The following PKD2L1 variants were observed in gnomAD, a reference collection of about 807,000 sequenced individuals.
PKD2L1 encodes polycystin-2-like protein 1.
In PKD2L1, 77 loss-of-function variants were observed where a neutral mutation model predicts 93.0. The ratio of observed to expected loss-of-function variants is 0.83; its 90% confidence interval spans 0.69 to 1.00. PKD2L1 has a LOEUF of 1.00. Ranked by LOEUF, PKD2L1 falls within the 50% of genes least tolerant of loss-of-function variation. The pLI is 0.00. For synonymous variants in PKD2L1, 390 were observed against 388.0 expected (o/e 1.01, Z -0.06); for missense variants, 977 against 990.9 (o/e 0.99, Z 0.19).
intron 2 of PKD2L1, among the ~76,000 whole-genome samples, chr10:100,320,583 C>T (rs1202547279): frequency 2.0e-5 from 3 of 152,192 alleles, no homozygotes; most frequent in East Asian, 3.8e-4. Flanking sequence ...CCCACTTTCC[C>T]TTTCCTCCTT....
intron 2 of PKD2L1, among the ~76,000 whole-genome samples, chr10:100,309,060 C>A (rs376324910): frequency 7.9e-5 from 12 of 151,902 alleles, no homozygotes; most frequent in African/African-American, 2.7e-4. Context: ...AAGTCACATG[C>A]ACAAAAATGA....
chr10:100,288,653 C>T (rs779649102), intron 15 of PKD2L1, among the ~76,000 whole-genome samples, 175 bp from the exon 16 acceptor site: 1 of 152,124 alleles, frequency 6.6e-6, no homozygotes, highest in African/African-American at 2.4e-5. Context: ...CCATTACCCT[C>T]CCTCTCTTTA....
chr10:100,312,906 A>T (rs1848965613), intron 2 of PKD2L1, among the ~76,000 whole-genome samples: 2 of 151,688 alleles, frequency 1.3e-5, no homozygotes, highest in African/African-American at 4.8e-5. Flanking sequence ...GTGGCCCAGA[A>T]ACCTCGAGAC....
chr10:100,329,219 A>T lies in PKD2L1; in HGVS notation c.341T>A (p.Ile114Asn), dbSNP rs542052716. The T allele has an allele frequency of 6.2e-6, 10 of 1,614,096 alleles. No homozygotes were observed. The highest frequency in any genetic ancestry group is 1.7e-5 in the Admixed American group (1 of 60,032). ...LLVYIVFLVD[I>N]CLLTYGMTSS... ...ACACAGATGCTACTCACGTAGACAG[A>T]TGTCCACCAGGAACACAATATATAC... Residue 114 changes from isoleucine (I) to asparagine (N), a missense_variant, in exon 2 of 16, where the codon ATC becomes AAC. Physicochemically the swap from Ile to Asn is moderately radical, Grantham distance 149. Transcript: ENST00000318222.
At position 100,290,449 on chromosome 10, in the gene PKD2L1, G is replaced by A. The variant is rs1848381825; in HGVS notation, c.2078C>T (p.Pro693Leu). 1.5e-5 allele frequency: 25 copies of A among 1,613,570 alleles called. No homozygotes were observed. In the East Asian group the frequency reaches 5.6e-4, roughly 36 times the overall value. Reference protein sequence around the residue: ...IVSSPQGKSGPEAARAGGWVS... With the variant: ...IVSSPQGKSGLEAARAGGWVS... ...CCAGCCTCCTGCTCTGGCAGCCTCT[G>A]GACCCGATTTGCCTTGTGGGCTGCT... Residue 693 changes from proline (P) to leucine (L), a missense_variant, in exon 13 of 16, where the codon CCA becomes CTA. By Grantham distance (98) the Pro-to-Leu change is moderately conservative (BLOSUM62 -3). Coordinates refer to ENST00000318222, the MANE Select transcript of PKD2L1 (RefSeq NM_016112.3).
chr10:100,298,555 C>T lies in PKD2L1; in HGVS notation c.731+7G>A. 1 of 1,613,670 alleles carries T rather than the reference C, an allele frequency of 6.2e-7. No individual in the cohort carries two copies. Among genetic ancestry groups the T allele is most frequent in the Non-Finnish European group, 8.5e-7 (1 of 1,179,736 alleles). ...CCCTGTGATATTGGTAGGACAGGCTCACTCACGCTGTGCCATTGAAGGGCC... is the reference window on the plus strand; with the variant it reads ...CCCTGTGATATTGGTAGGACAGGCTTACTCACGCTGTGCCATTGAAGGGCC... On this transcript the variant is annotated splice_region_variant and intron_variant, in intron 4 of 15. Transcript: ENST00000318222.
intron 6 of PKD2L1, 30 bp downstream of exon 6, chr10:100,296,950 T>A: frequency 6.8e-7 from 1 of 1,473,664 alleles, no homozygotes. Context: ...CACCCCAGAA[T>A]GTCCCAAGTC....
chr10:100,308,133 A>T (rs1259785707), intron 2 of PKD2L1, among the ~76,000 whole-genome samples: 1 of 152,104 alleles, frequency 6.6e-6, no homozygotes, highest in Non-Finnish European at 1.5e-5. Flanking sequence ...ACAGAAATTA[A>T]ATTCTTCTGT....
chr10:100,308,868 T>C (rs2133556341), intron 2 of PKD2L1, among the ~76,000 whole-genome samples: 1 of 152,310 alleles, frequency 6.6e-6, no homozygotes, highest in South Asian at 2.1e-4. Flanking sequence ...TAAGATGTCC[T>C]TATAAGCAAA....
chr10:100,327,759 A>G (rs1849409728), intron 2 of PKD2L1, among the ~76,000 whole-genome samples: 1 of 152,082 alleles, frequency 6.6e-6, no homozygotes, highest in African/African-American at 2.4e-5. Context: ...CAATATGTAC[A>G]TTGGGCCGGC....
chr10:100,320,789 G>A (rs1459943211), intron 2 of PKD2L1, among the ~76,000 whole-genome samples: 2 of 152,196 alleles, frequency 1.3e-5, no homozygotes, highest in Non-Finnish European at 2.9e-5. Flanking sequence ...TGACAAAATT[G>A]ATGTGATCTT....
chr10:100,309,402 TA>T (rs1417526440), intron 2 of PKD2L1, among the ~76,000 whole-genome samples: 1 of 150,428 alleles, frequency 6.6e-6, no homozygotes, highest in African/African-American at 2.5e-5. Flanking sequence ...ATAAAATCAT[TA>T]AAAAAATTTT....
At chr10:100,291,200 A>G in intron 12 of PKD2L1, 101 bp downstream of exon 12, 1 of 1,220,748 alleles carries the variant, frequency 8.2e-7, no homozygotes, top group Non-Finnish European at 1.1e-6. Flanking sequence ...TTTACTATCT[A>G]TGGGAGAGTT....
intron 2 of PKD2L1, among the ~76,000 whole-genome samples, chr10:100,321,759 G>GAAA (rs1564894567): frequency 0.022 from 7 of 322 alleles, 1 homozygote; most frequent in African/African-American, 0.066. Context: ...AAGAAAGAAG[G>GAAA]GAGGGAGGGA....
chr10:100,298,291 C>T (rs531075871), intron 4 of PKD2L1, among the ~76,000 whole-genome samples: 3 of 152,298 alleles, frequency 2.0e-5, no homozygotes, highest in Non-Finnish European at 2.9e-5. Flanking sequence ...GGAAGGACTA[C>T]GTGCAAGGTA....
chr10:100,314,697 G>A (rs758808771), intron 2 of PKD2L1, among the ~76,000 whole-genome samples: 2 of 151,842 alleles, frequency 1.3e-5, no homozygotes, highest in Non-Finnish European at 2.9e-5. Context: ...ACCAACAGAA[G>A]CTTCTTTATC....
chr10:100,330,083 A>G lies in PKD2L1; in HGVS notation c.21T>C (p.Pro7=). 1 of 1,590,160 alleles carries G rather than the reference A, an allele frequency of 6.3e-7. No homozygotes were observed. The highest frequency in any genetic ancestry group is 1.3e-5 in the African/African-American group (1 of 74,470). The change falls in exon 1 of 16, where the codon CCT becomes CCC. Residue 7 remains proline (P), a synonymous_variant. Coordinates refer to ENST00000318222, the MANE Select transcript of PKD2L1 (RefSeq NM_016112.3). MNAVGS[P]EGQELQKLGS... The stretch of plus-strand genomic sequence containing the variant: ...CCAGCTTTTGCAGCTCCTGCCCCTC[A>G]GGACTTCCCACAGCATTCATGGGGA...
intron 2 of PKD2L1, among the ~76,000 whole-genome samples, chr10:100,326,160 G>A (rs1226591987): frequency 2.0e-5 from 3 of 152,140 alleles, no homozygotes; most frequent in Admixed American, 6.5e-5. Flanking sequence ...CTCTCCTCAG[G>A]AGAACTTAAA....
At chr10:100,297,663 C>A (rs1848579913) in intron 4 of PKD2L1, 57 bp from the exon 5 acceptor site, 13 of 1,251,492 alleles carry the variant, frequency 1.0e-5, no homozygotes, top group Non-Finnish European at 1.5e-5. Context: ...AAGGCAATGG[C>A]AATGCTTTAT....
Sources: gnomAD v4.1 joint callset for allele counts (sites outside exome capture counted in the v4.1 genomes callset) on GRCh38, gnomAD v4.1.1 for gene constraint, MANE v1.5 for transcripts, NCBI Gene and HGNC (gene_info 2026-07-23, HGNC 2026-07-21) for gene names.